The following CCDC146 variants were observed in gnomAD, a reference collection of about 807,000 sequenced individuals.
The protein encoded by CCDC146 is coiled-coil domain-containing protein 146.
Under a neutral mutation model 119.3 loss-of-function variants are expected in CCDC146, and 92 were observed. That is an observed-to-expected ratio of 0.77 (90% confidence interval 0.65 to 0.92). The LOEUF is 0.92. CCDC146 is among the 40% of genes least tolerant of loss of function. The pLI is 0.00. For synonymous variants in CCDC146, 372 were observed against 371.8 expected (o/e 1.00, Z -0.01); for missense variants, 1,000 against 1,103.0 (o/e 0.91, Z 1.32).
chr7:77,234,815 A>C (rs765124112), intron 2 of CCDC146, among the ~76,000 whole-genome samples: 4 of 152,180 alleles, frequency 2.6e-5, no homozygotes, highest in Non-Finnish European at 5.9e-5. Context: ...CAGGTAGAGT[A>C]TCCTCAAAGG....
chr7:77,149,051 G>A (rs537093646), intron 1 of CCDC146, among the ~76,000 whole-genome samples: 1 of 152,240 alleles, frequency 6.6e-6, no homozygotes, highest in South Asian at 2.1e-4. Context: ...CAAAGCTGGA[G>A]GCATCATGCT....
At chr7:77,278,878 G>C (rs1239715425) in intron 12 of CCDC146, 38 bp downstream of exon 12, 2 of 1,595,034 alleles carry the variant, frequency 1.3e-6, no homozygotes, top group Non-Finnish European at 8.6e-7. Flanking sequence ...ACGTAGGTGA[G>C]GGGAAAAAAA....
chr7:77,203,043 C>T (rs868000418), intron 2 of CCDC146, among the ~76,000 whole-genome samples: 3 of 145,176 alleles, frequency 2.1e-5, no homozygotes, highest in Non-Finnish European at 3.0e-5. Flanking sequence ...CCCCCCCCCC[C>T]CCAGGACTAT....
chr7:77,253,203 A>T (rs3108425), intron 4 of CCDC146, among the ~76,000 whole-genome samples: 7 of 152,042 alleles, frequency 4.6e-5, no homozygotes, highest in Non-Finnish European at 1.0e-4. Context: ...AACCACTTAG[A>T]CTTGGCTCCT....
intron 2 of CCDC146, chr7:77,198,988 C>CTATGATTTTTGTAATTAGGTCA (rs1791927205): frequency 3.4e-6 from 2 of 594,514 alleles, no homozygotes; most frequent in Non-Finnish European, 5.8e-6. Context: ...ACAGAACTAA[C>CTATGATTTTTGTAATTAGGTCA]TATGATTTTT....
At chr7:77,181,984 G>T (rs751810270) in intron 2 of CCDC146, among the ~76,000 whole-genome samples, 3 of 152,082 alleles carry the variant, frequency 2.0e-5, no homozygotes, top group Non-Finnish European at 4.4e-5. Flanking sequence ...ACAAAAAGGA[G>T]ATATAAGCAA....
At chr7:77,134,189 C>T (rs1352277135) in intron 1 of CCDC146, among the ~76,000 whole-genome samples, 1 of 151,826 alleles carries the variant, frequency 6.6e-6, no homozygotes, top group East Asian at 1.9e-4. Context: ...AAAGTGGACC[C>T]ATGCTGTTCA....
rs898374443 is a variant in CCDC146 at position 77,280,194 on chromosome 7, T to C, written c.1695-235T>C. The stretch of plus-strand genomic sequence containing the variant: ...TTTGATAAAGGGGGTCAGCAGAACA[T>C]TGGGGGGAAAAGGAAAGATGTTCTA... On this transcript the variant is annotated intron_variant, in intron 13 of 18. Transcript: ENST00000285871. 4.0e-5 allele frequency among the ~76,000 whole-genome samples: 6 copies of C among 151,712 alleles called. No homozygotes were observed. The South Asian group carries it at 8.4e-4, about 21-fold the overall frequency.
intron 17 of CCDC146, among the ~76,000 whole-genome samples, chr7:77,292,076 G>C (rs530824951): frequency 2.0e-5 from 3 of 151,518 alleles, no homozygotes; most frequent in Admixed American, 1.3e-4. Flanking sequence ...CAGGAAGACT[G>C]CTTGAGCCCA....
At chr7:77,234,194 C>G (rs1420818301) in intron 2 of CCDC146, among the ~76,000 whole-genome samples, 1 of 151,876 alleles carries the variant, frequency 6.6e-6, no homozygotes, top group Non-Finnish European at 1.5e-5. Context: ...CACATATTTA[C>G]CTTTTCATAA....
At chr7:77,250,703 C>G (rs534981488) in intron 4 of CCDC146, among the ~76,000 whole-genome samples, 2 of 152,076 alleles carry the variant, frequency 1.3e-5, no homozygotes, top group Non-Finnish European at 2.9e-5. Context: ...GAAGGAAATT[C>G]TCAGACATTA....
At chr7:77,292,477 T>A (rs1181382017) in intron 17 of CCDC146, among the ~76,000 whole-genome samples, 1 of 150,648 alleles carries the variant, frequency 6.6e-6, no homozygotes, top group Non-Finnish European at 1.5e-5. Context: ...ATTAGCCGGG[T>A]ATGGTGTTGG....
intron 1 of CCDC146, among the ~76,000 whole-genome samples, chr7:77,160,413 C>A (rs558277735): frequency 6.6e-6 from 1 of 152,262 alleles, no homozygotes; most frequent in Admixed American, 6.5e-5. Context: ...ATGGAATGTT[C>A]TTCCATTTGT....
At chr7:77,280,682 C>A in intron 14 of CCDC146, 29 bp downstream of exon 14, 1 of 1,490,502 alleles carries the variant, frequency 6.7e-7, no homozygotes. Context: ...AACAGAGCAC[C>A]AGGGATCCAA....
At position 77,213,164 on chromosome 7, in the gene CCDC146, C is replaced by A. The variant is rs1179335481; in HGVS notation, c.157-23783C>A. ...GGAGTGCAGTGGCGCAATTACAGCT[C>A]ACTGCAGCCTTGACTTCCTGGGCTC... is the stretch of plus-strand genomic sequence containing the variant. On this transcript the variant is annotated intron_variant, in intron 2 of 18. Coordinates refer to ENST00000285871, the MANE Select transcript of CCDC146 (RefSeq NM_020879.3). 6.6e-5 allele frequency among the ~76,000 whole-genome samples: 10 copies of A among 152,088 alleles called. No homozygotes were observed. In the East Asian group the frequency reaches 1.9e-3, roughly 29 times the overall value.
At chr7:77,172,560 A>G (rs1294159174) in intron 2 of CCDC146, among the ~76,000 whole-genome samples, 1 of 152,180 alleles carries the variant, frequency 6.6e-6, no homozygotes, top group Non-Finnish European at 1.5e-5. Flanking sequence ...CTCGTCTCAT[A>G]TTGCCTGAAG....
chr7:77,245,326 CT>C (rs1344170216), intron 4 of CCDC146, among the ~76,000 whole-genome samples: 2 of 152,124 alleles, frequency 1.3e-5, no homozygotes, highest in Non-Finnish European at 2.9e-5. Flanking sequence ...GAGTACTTAC[CT>C]CTCTAAACAG....
At chr7:77,128,953 T>A (rs1027632535) in intron 1 of CCDC146, among the ~76,000 whole-genome samples, 1 of 152,088 alleles carries the variant, frequency 6.6e-6, no homozygotes, top group Non-Finnish European at 1.5e-5. Flanking sequence ...CGAAATCCCA[T>A]GTAGAAGAGA....
At chr7:77,192,677 C>T (rs1465470253) in intron 2 of CCDC146, among the ~76,000 whole-genome samples, 1 of 152,166 alleles carries the variant, frequency 6.6e-6, no homozygotes, top group Non-Finnish European at 1.5e-5. Flanking sequence ...GTAATCCCAG[C>T]ACTTTGCGAG....
Sources: allele counts gnomAD v4.1 joint callset (sites outside exome capture counted in the v4.1 genomes callset), GRCh38; gene constraint gnomAD v4.1.1; transcripts MANE v1.5; gene names NCBI Gene and HGNC (gene_info 2026-07-23, HGNC 2026-07-21).